The following VWF variants were observed in gnomAD, a reference collection of about 807,000 sequenced individuals.
The protein encoded by VWF is Factor VIII related antigen.
VWF carries 176 observed loss-of-function variants against 308.6 expected under a neutral mutation model. The observed-to-expected ratio is 0.57, with a 90% CI of 0.50 to 0.65. VWF has a LOEUF of 0.65. Ranked by LOEUF, VWF falls within the 30% of genes least tolerant of loss-of-function variation. VWF has a pLI of 0.00. For missense variants in VWF, 3,146 were observed against 3,648.2 expected (o/e 0.86, Z 3.55); for synonymous variants, 1,385 against 1,443.4 (o/e 0.96, Z 0.92).
At position 6,025,954 on chromosome 12, in the gene VWF, G is replaced by A; in HGVS notation, c.3060C>T (p.Asp1020=). ...SNLQVEEDPV[D]FGNSWKVSSQ... ...AGCTCACTTTCCAGGAGTTCCCAAA[G>A]TCCACAGGGTCTTCCTCCACTTGGA... The change falls in exon 23 of 52, where the codon GAC becomes GAT. Residue 1020 remains aspartate (D), a synonymous_variant. Transcript: ENST00000261405. 9 of 1,614,016 alleles carry A rather than the reference G, an allele frequency of 5.6e-6. No individual in the cohort carries two copies. The highest frequency in any genetic ancestry group is 7.6e-6 in the Non-Finnish European group (9 of 1,179,882).
In VWF at chr12:6,123,179, A is replaced by T; in HGVS notation, c.18T>A (p.Phe6Leu). ...GGGCCAGAGCAAGCAGCACCCCGGC[A>T]AATCTGGCAGGAATCATCTGCAAAG... The part of the protein sequence containing the change: MIPAR[F>L]AGVLLALALI... Residue 6 changes from phenylalanine (F) to leucine (L), a missense_variant, in exon 2 of 52, where the codon TTT becomes TTA. Phe to Leu is a conservative substitution (Grantham distance 22). Transcript: ENST00000261405. 2 of 1,614,218 alleles carry T rather than the reference A, an allele frequency of 1.2e-6. No individual in the cohort carries two copies. The highest frequency in any genetic ancestry group is 1.7e-6 in the Non-Finnish European group (2 of 1,180,038).
At chr12:6,079,330 G>A (rs1482053718) in intron 6 of VWF, among the ~76,000 whole-genome samples, 1 of 152,222 alleles carries the variant, frequency 6.6e-6, no homozygotes, top group African/African-American at 2.4e-5. Context: ...CCAAGGGCCA[G>A]GCGCGGTGGC....
At chr12:6,043,387 A>T (rs931421914) in intron 18 of VWF, among the ~76,000 whole-genome samples, 2 of 152,152 alleles carry the variant, frequency 1.3e-5, no homozygotes, top group Non-Finnish European at 2.9e-5. Flanking sequence ...GGCAACACTA[A>T]GTCCCCTCCA....
chr12:6,061,595 C>T (rs1944655574), intron 13 of VWF, among the ~76,000 whole-genome samples: 1 of 152,108 alleles, frequency 6.6e-6, no homozygotes, highest in Non-Finnish European at 1.5e-5. Context: ...CCACCCTGCC[C>T]CTGCCACCCA....
chr12:6,103,439 T>TACAC (rs2136511727), intron 5 of VWF, among the ~76,000 whole-genome samples: 1 of 125,866 alleles, frequency 7.9e-6, no homozygotes, highest in Admixed American at 7.6e-5. Context: ...CACGTGTGTA[T>TACAC]ATACATACAC....
chr12:6,024,970 C>T lies in VWF; in HGVS notation c.3222+610G>A, dbSNP rs1418480424. Reference sequence around the variant, plus strand: ...CCCAGGAGGCAGAGGCTGCACTAAGCCAAGATCATGCCATTGCACTCCAGC... The same window carrying T: ...CCCAGGAGGCAGAGGCTGCACTAAGTCAAGATCATGCCATTGCACTCCAGC... On this transcript the variant is annotated intron_variant, in intron 24 of 51. Coordinates refer to ENST00000261405, the MANE Select transcript of VWF (RefSeq NM_000552.5). This position sits in a 1 kb window ranked among gnomAD's most constrained non-coding sequence, Gnocchi z 4.0. Among the ~76,000 whole-genome samples, 1 of 150,930 alleles carries T rather than the reference C, an allele frequency of 6.6e-6. No individual in the cohort carries two copies.
chr12:5,992,733 C>T (rs1219156129), intron 37 of VWF, among the ~76,000 whole-genome samples: 3 of 152,236 alleles, frequency 2.0e-5, no homozygotes, highest in African/African-American at 7.2e-5. Flanking sequence ...CGCTCAACAA[C>T]TTCCTCACAT....
intron 24 of VWF, among the ~76,000 whole-genome samples, chr12:6,025,353 C>G (rs1255092602): frequency 3.9e-5 from 6 of 152,210 alleles, no homozygotes; most frequent in Non-Finnish European, 8.8e-5. Flanking sequence ...GGAGTTACTT[C>G]TCATGCAGAA....
chr12:6,061,291 C>T (rs1944651736), intron 13 of VWF, among the ~76,000 whole-genome samples: 2 of 152,156 alleles, frequency 1.3e-5, no homozygotes, highest in Admixed American at 1.3e-4. Flanking sequence ...TGGTCAGGAA[C>T]CAGGAGACCC....
intron 6 of VWF, among the ~76,000 whole-genome samples, chr12:6,077,084 C>T (rs1484913180): frequency 6.6e-6 from 1 of 152,126 alleles, no homozygotes; most frequent in South Asian, 2.1e-4. Context: ...CCAAGTCGGG[C>T]GGATCACTTG....
intron 47 of VWF, among the ~76,000 whole-genome samples, chr12:5,958,085 A>G (rs1943270066): frequency 6.6e-6 from 1 of 152,166 alleles, no homozygotes; most frequent in Non-Finnish European, 1.5e-5. Flanking sequence ...TGAAAAGGCC[A>G]ATAAAGAGAT....
At chr12:6,123,591 C>T (rs748715026) in intron 1 of VWF, among the ~76,000 whole-genome samples, 2 of 152,194 alleles carry the variant, frequency 1.3e-5, no homozygotes, top group Admixed American at 6.5e-5. Context: ...AACCGTCTTA[C>T]ACTTGTGTGC....
intron 5 of VWF, among the ~76,000 whole-genome samples, chr12:6,107,698 G>A (rs200917045): frequency 3.3e-5 from 5 of 151,540 alleles, no homozygotes; most frequent in African/African-American, 1.2e-4. Flanking sequence ...TCACTCTGTC[G>A]CCCAGGCTGG....
Position 6,023,727 on chromosome 12 carries a change from C to A in VWF, c.3283G>T (p.Gly1095Trp). 1 of 1,613,792 alleles carries A rather than the reference C, an allele frequency of 6.2e-7. No individual in the cohort carries two copies. The highest frequency in any genetic ancestry group is 8.5e-7 in the Non-Finnish European group (1 of 1,180,000). The change falls in exon 25 of 52, where the codon GGG becomes TGG. Residue 1095 changes from glycine (G) to tryptophan (W), a missense_variant. By Grantham distance (184) the Gly-to-Trp change is radical. Coordinates refer to ENST00000261405, the MANE Select transcript of VWF (RefSeq NM_000552.5). ...GTGTCGCAGAAGCAGGCGCAGTCCCCAATGGACTCACAGGAGCAGGTGTCG... is the reference window on the plus strand; with the variant it reads ...GTGTCGCAGAAGCAGGCGCAGTCCCAAATGGACTCACAGGAGCAGGTGTCG... ...IYDTCSCESIGDCACFCDTIA... is the reference protein window; with the variant it reads ...IYDTCSCESIWDCACFCDTIA...
Position 6,018,828 on chromosome 12 carries a change from C to T in VWF, c.4590G>A (p.Val1530=), listed in dbSNP as rs752185839. Residue 1530 remains valine, a synonymous_variant, in exon 28 of 52, where the codon GTG becomes GTA. Transcript: ENST00000261405. ...FMEEVIQRMD[V]GQDSIHVTVL... ...CCGTGACGTGGATGCTGTCCTGGCC[C>T]ACATCCATCCGCTGAATCACCTCCT... 10 of 1,613,812 alleles carry T rather than the reference C, an allele frequency of 6.2e-6. No homozygotes were observed. Among genetic ancestry groups the T allele is most frequent in the East Asian group, 2.2e-5 (1 of 44,888 alleles).
At chr12:6,029,512 T>G in intron 21 of VWF, 24 bp from the exon 22 acceptor site, 1 of 1,613,708 alleles carries the variant, frequency 6.2e-7, no homozygotes, top group Non-Finnish European at 8.5e-7. Flanking sequence ...AAGCAAGAAA[T>G]CCAGGAGGAT....
Position 6,022,023 on chromosome 12 carries a change from T to A in VWF, c.3551A>T (p.Asp1184Val). The A allele has an allele frequency of 6.2e-7, 1 of 1,614,116 alleles. No homozygotes were observed. Among genetic ancestry groups the A allele is most frequent in the Non-Finnish European group, 8.5e-7 (1 of 1,180,016 alleles). The change falls in exon 27 of 52, where the codon GAT (aspartate) becomes GTT (valine). Residue 1184 changes from aspartate to valine, a missense_variant. Physicochemically the swap from Asp to Val is radical, Grantham distance 152. Around this residue, in one of 3 missense-constraint regions of VWF, gnomAD observed 853 missense variants for 1,177.8 expected, o/e 0.72. Transcript: ENST00000261405. ...GTCAACGCAGGTCTGCAAAAGCTCA[T>A]CCAGGATTTTCCCTGCAAAAGAAAG... is the stretch of plus-strand genomic sequence containing the variant. ...HAHCPPGKIL[D>V]ELLQTCVDPE...
chr12:6,093,583 G>C (rs58471035), intron 6 of VWF, among the ~76,000 whole-genome samples: 1 of 152,178 alleles, frequency 6.6e-6, no homozygotes, highest in African/African-American at 2.4e-5. Context: ...GCACCACCAA[G>C]GAACCTTGCT....
At chr12:6,071,213 G>T in intron 10 of VWF, 84 bp downstream of exon 10, 1 of 1,536,414 alleles carries the variant, frequency 6.5e-7, no homozygotes, top group Non-Finnish European at 9.0e-7. Flanking sequence ...GCCTTGAGTT[G>T]TGGCCCTCCC....
Sources: gnomAD v4.1 joint callset for allele counts (sites outside exome capture counted in the v4.1 genomes callset) on GRCh38, gnomAD v4.1.1 for gene constraint, gnomAD v4.1.1 regional missense constraint, Gnocchi (gnomAD v3.1) non-coding constraint, MANE v1.5 for transcripts, NCBI Gene and HGNC (gene_info 2026-07-23, HGNC 2026-07-21) for gene names.